The following SLC1A1 variants were observed in gnomAD, a reference collection of about 807,000 sequenced individuals.
SLC1A1 encodes excitatory amino acid transporter 3.
Under a neutral mutation model 53.3 loss-of-function variants are expected in SLC1A1, and 43 were observed. The observed-to-expected ratio is 0.81, with a 90% CI of 0.63 to 1.04. The LOEUF is 1.04. Ranked by LOEUF, SLC1A1 falls within the 50% of genes least tolerant of loss-of-function variation. SLC1A1 has a pLI of 0.00. For missense variants in SLC1A1, 748 were observed against 664.9 expected, an observed-to-expected ratio of 1.12 and a Z score of -1.37; for synonymous variants, 307 against 243.2, an observed-to-expected ratio of 1.26 and a Z score of -2.44.
At chr9:4,495,012 C>G (rs1333327117) in intron 1 of SLC1A1, among the ~76,000 whole-genome samples, 1 of 152,186 alleles carries the variant, frequency 6.6e-6, no homozygotes, top group Non-Finnish European at 1.5e-5. Flanking sequence ...GCTAAGGAAG[C>G]AATCATGCAT....
At position 4,518,377 on chromosome 9, in the gene SLC1A1, T is replaced by C. The variant is rs531837155; in HGVS notation, c.92-26190T>C. On this transcript the variant is annotated intron_variant, in intron 1 of 11. Coordinates refer to ENST00000262352, the MANE Select transcript of SLC1A1 (RefSeq NM_004170.6). Reference sequence around the variant, plus strand: ...GGTTTTTTGTGGTTTTGTTTTTTTTTTGTTTTTGAGATAAGGTCTCACTCT... The same window carrying C: ...GGTTTTTTGTGGTTTTGTTTTTTTTCTGTTTTTGAGATAAGGTCTCACTCT... Among the ~76,000 whole-genome samples, 6 of 151,866 alleles carry C rather than the reference T, an allele frequency of 4.0e-5. No homozygotes were observed. In the South Asian group the frequency reaches 1.0e-3, roughly 26 times the overall value.
Position 4,569,682 on chromosome 9 carries a change from C to CT in SLC1A1, c.582+1917dup, listed in dbSNP as rs139693041. Reference sequence around the variant, plus strand: ...CTCCCTGCTTCCTACTGCAGAAAGCCTTAACTCCTCTGGCTGAGTTCAGAG... The same window carrying CT: ...CTCCCTGCTTCCTACTGCAGAAAGCCTTTAACTCCTCTGGCTGAGTTCAGAG... On this transcript the variant is annotated intron_variant, in intron 6 of 11. Coordinates refer to ENST00000262352, the MANE Select transcript of SLC1A1 (RefSeq NM_004170.6). Among the ~76,000 whole-genome samples the CT allele has an allele frequency of 7.1e-3, 1,080 of 152,288 alleles. 15 individuals carry two copies. Among genetic ancestry groups the CT allele is most frequent in the African/African-American group, 0.025 (1,036 of 41,550 alleles).
At chr9:4,514,720 A>G (rs17755625) in intron 1 of SLC1A1, among the ~76,000 whole-genome samples, 5,130 of 152,188 alleles carry the variant, frequency 0.034, 144 homozygotes, top group South Asian at 0.059. Flanking sequence ...AAGGGGCTTT[A>G]AGCTGGAGAG....
In SLC1A1 at chr9:4,556,262, C is replaced by T. The variant is rs1265012140; in HGVS notation, c.233-5187C>T. ...CTCAAACTCCTGACCTCAGGTGATC[C>T]ACCTGCCTGGGCCTCCCAAAGTGCT... is the stretch of plus-strand genomic sequence containing the variant. On this transcript the variant is annotated intron_variant, in intron 2 of 11. Transcript: ENST00000262352. The surrounding 1 kb of genome is among the most constrained non-coding windows in gnomAD (Gnocchi z 4.1). 6.6e-6 allele frequency among the ~76,000 whole-genome samples: 1 copy of T among 152,262 alleles called. No individual in the cohort carries two copies. Among genetic ancestry groups the T allele is most frequent in the East Asian group, 1.9e-4 (1 of 5,186 alleles).
At chr9:4,546,721 T>A (rs952022978) in intron 2 of SLC1A1, among the ~76,000 whole-genome samples, 2 of 152,186 alleles carry the variant, frequency 1.3e-5, no homozygotes, top group Non-Finnish European at 2.9e-5. Context: ...GGTCTTGAAT[T>A]TCTAGGCTCA....
rs370378540 is a variant in SLC1A1 at position 4,580,651 on chromosome 9, G to GTGTGTATGTGTGTGTGTGTA, written c.1194-2386_1194-2385insGTGTATGTGTGTGTGTGTAT. The stretch of plus-strand genomic sequence containing the variant: ...TGTGTGTGTGTGTGTGTGTGTGTGT[G>GTGTGTATGTGTGTGTGTGTA]TATAAGGAATAAAGAAGAAAGACAA... On this transcript the variant is annotated intron_variant, in intron 10 of 11. Coordinates refer to ENST00000262352, the MANE Select transcript of SLC1A1 (RefSeq NM_004170.6). 9.8e-3 allele frequency among the ~76,000 whole-genome samples: 1,165 copies of GTGTGTATGTGTGTGTGTGTA among 118,750 alleles called. 47 individuals carry two copies. The highest frequency in any genetic ancestry group is 0.03 in the East Asian group (95 of 3,130). 77.9% of individuals were successfully genotyped at this position (118,750 alleles called of 152,430 possible). A position where few individuals can be genotyped will look rare whatever the true frequency, so the allele number is the denominator to read the frequency against.
At chr9:4,569,865 G>T (rs578240979) in intron 6 of SLC1A1, among the ~76,000 whole-genome samples, 27 of 152,266 alleles carry the variant, frequency 1.8e-4, no homozygotes, top group African/African-American at 6.5e-4. Flanking sequence ...AGGCCCTGCT[G>T]GGCATTGGGA....
chr9:4,564,319 C>G, intron 3 of SLC1A1, 25 bp from the exon 4 acceptor site: 2 of 1,525,770 alleles, frequency 1.3e-6, no homozygotes, highest in Non-Finnish European at 9.1e-7. Flanking sequence ...TCCTAATGCT[C>G]TGTGGACGCT....
intron 4 of SLC1A1, among the ~76,000 whole-genome samples, chr9:4,565,184 T>C (rs952564943): frequency 1.3e-5 from 2 of 152,216 alleles, no homozygotes; most frequent in South Asian, 4.1e-4. Flanking sequence ...CTGGCCTTTA[T>C]TGAGTTTCCA....
rs140581204 is a variant in SLC1A1 at position 4,520,366 on chromosome 9, CCAAT to C, written c.92-24197_92-24194del. On this transcript the variant is annotated intron_variant, in intron 1 of 11. Transcript: ENST00000262352. ...CATGAAAAAGCCATCAAATTATCAACCAATCAAAATTAAATGAATCCCATTTAAT... is the reference window on the plus strand; with the variant it reads ...CATGAAAAAGCCATCAAATTATCAACCAAAATTAAATGAATCCCATTTAAT... 5.2e-3 allele frequency among the ~76,000 whole-genome samples: 798 copies of C among 152,294 alleles called. 6 individuals are homozygous for C. Among genetic ancestry groups the C allele is most frequent in the African/African-American group, 0.019 (769 of 41,556 alleles).
intron 10 of SLC1A1, among the ~76,000 whole-genome samples, chr9:4,580,601 ATGTGTGTGTGTGTG>A (rs71326118): frequency 2.0e-4 from 14 of 69,692 alleles, no homozygotes; most frequent in South Asian, 8.5e-4. Flanking sequence ...AAAAATATAT[ATGTGTGTGTGTGTG>A]TGTGTGTGTG....
At chr9:4,537,604 A>T (rs868360629) in intron 1 of SLC1A1, among the ~76,000 whole-genome samples, 3,173 of 39,756 alleles carry the variant, frequency 0.08, 942 homozygotes, top group African/African-American at 0.26. Context: ...AAAATAAAAA[A>T]AAAAAAAATC....
intron 10 of SLC1A1, among the ~76,000 whole-genome samples, chr9:4,578,768 G>A (rs1820794348): frequency 6.6e-6 from 1 of 152,232 alleles, no homozygotes; most frequent in African/African-American, 2.4e-5. Flanking sequence ...TAGCCATGTG[G>A]CCCACTGAAT....
chr9:4,494,328 T>TG, intron 1 of SLC1A1, among the ~76,000 whole-genome samples: 1 of 152,334 alleles, frequency 6.6e-6, no homozygotes, highest in South Asian at 2.1e-4. Context: ...ATTAGAGGTG[T>TG]GAAAGATACT....
At chr9:4,533,470 C>T (rs1264752715) in intron 1 of SLC1A1, among the ~76,000 whole-genome samples, 1 of 151,996 alleles carries the variant, frequency 6.6e-6, no homozygotes. Flanking sequence ...ACAAAGAAGG[C>T]CATTACATAA....
At chr9:4,541,924 T>C in intron 1 of SLC1A1, among the ~76,000 whole-genome samples, 1 of 152,296 alleles carries the variant, frequency 6.6e-6, no homozygotes, top group Admixed American at 6.5e-5. Context: ...TTATGCCCTA[T>C]GAGACTCTGA....
rs185920533 is a variant in SLC1A1 at position 4,554,122 on chromosome 9, C to T, written c.233-7327C>T. On this transcript the variant is annotated intron_variant, in intron 2 of 11. Transcript: ENST00000262352. ...AACTCCATCTTTAGAGATAAGGAAA[C>T]AGGAGGTTGAAGACAGATTAAGCCA... 2.1e-4 allele frequency: 32 copies of T among 152,282 alleles called. 1 individual carries two copies. In the East Asian group the frequency reaches 6.0e-3, roughly 29 times the overall value. 9.4% of individuals were successfully genotyped at this position (152,282 alleles called of 1,614,324 possible).
chr9:4,496,820 C>G (rs1820441631), intron 1 of SLC1A1, among the ~76,000 whole-genome samples: 2 of 152,216 alleles, frequency 1.3e-5, no homozygotes, highest in South Asian at 4.2e-4. Flanking sequence ...TCACATGAGG[C>G]CAGGAGTTCC....
intron 1 of SLC1A1, among the ~76,000 whole-genome samples, chr9:4,517,454 C>T (rs959313774): frequency 6.6e-6 from 1 of 152,166 alleles, no homozygotes; most frequent in Non-Finnish European, 1.5e-5. Context: ...GGTGCTGGCA[C>T]GAAGAAGTCA....
Sources: gnomAD v4.1 joint callset for allele counts (sites outside exome capture counted in the v4.1 genomes callset) on GRCh38, gnomAD v4.1.1 for gene constraint, Gnocchi (gnomAD v3.1) non-coding constraint, MANE v1.5 for transcripts, NCBI Gene and HGNC (gene_info 2026-07-23, HGNC 2026-07-21) for gene names.